The following TRPM3 variants were observed in gnomAD, a reference collection of about 807,000 sequenced individuals.
TRPM3 encodes long transient receptor potential channel 3.
In TRPM3, 77 loss-of-function variants were observed where a neutral mutation model predicts 181.2. The observed-to-expected ratio is 0.42, with a 90% confidence interval of 0.35 to 0.51. The LOEUF is 0.51. Among genes scored for constraint, TRPM3 ranks in the 20% least tolerant of loss-of-function variants. The probability of loss-of-function intolerance (pLI) is 0.01; values close to 1 mark genes in which losing one functional copy is unlikely to be tolerated. For synonymous variants in TRPM3, 745 were observed against 796.4 expected, an observed-to-expected ratio of 0.94 and a Z score of 1.09; for missense variants, 1,759 against 2,196.7, an observed-to-expected ratio of 0.80 and a Z score of 3.98.
In TRPM3 at chr9:70,848,991, A is replaced by AG. The variant is rs1554744357; in HGVS notation, c.463-2401_463-2400insC. ...GACTCCGTCTCAAAAAAAAAAAAAAAAAAAAAAAAAGAAATTACCTGTCAG... is the reference window on the plus strand; with the variant it reads ...GACTCCGTCTCAAAAAAAAAAAAAAAGAAAAAAAAAAGAAATTACCTGTCAG... On this transcript the variant is annotated intron_variant, in intron 3 of 25. Transcript: ENST00000677713. Among the ~76,000 whole-genome samples, 2 of 151,356 alleles carry AG rather than the reference A, an allele frequency of 1.3e-5. 1 individual carries two copies. Among genetic ancestry groups the AG allele is most frequent in the Admixed American group, 1.3e-4 (2 of 15,170 alleles).
chr9:71,394,191 T>C (rs2093134238), intron 1 of TRPM3, among the ~76,000 whole-genome samples: 2 of 152,208 alleles, frequency 1.3e-5, no homozygotes, highest in African/African-American at 4.8e-5. Context: ...ACAGTACAAT[T>C]ATTTGGCCAT....
rs145374237 is a variant in TRPM3, at chr9:71,180,392, A to G, written c.183+266261T>C. 3.6e-3 allele frequency among the ~76,000 whole-genome samples: 552 copies of G among 152,184 alleles called. 9 individuals are homozygous for G. In the Middle Eastern group the frequency reaches 0.058, roughly 16 times the overall value. On this transcript the variant is annotated intron_variant, in intron 1 of 24. Transcript: ENST00000357533. ...TTCTTAGAAAGGGCTATCATCCCCAATGTATTTCAAATTCAATTCACTTGA... is the reference window on the plus strand; with the variant it reads ...TTCTTAGAAAGGGCTATCATCCCCAGTGTATTTCAAATTCAATTCACTTGA...
intron 1 of TRPM3, among the ~76,000 whole-genome samples, chr9:70,940,270 C>T (rs1310904510): frequency 6.6e-6 from 1 of 152,150 alleles, no homozygotes; most frequent in Non-Finnish European, 1.5e-5. Context: ...AAAAGTAAAA[C>T]ATTTTTCCCC....
rs562441856 is a variant in TRPM3, at chr9:70,973,864, T to C, written c.178-109353A>G. Among the ~76,000 whole-genome samples the C allele has an allele frequency of 3.3e-5, 5 of 152,360 alleles. No homozygotes were observed. The South Asian group carries it at 1.0e-3, about 32-fold the overall frequency. On this transcript the variant is annotated intron_variant, in intron 1 of 25. Coordinates refer to ENST00000677713, the MANE Select transcript of TRPM3 (RefSeq NM_001366145.2). ...TCACACAGCATAGAATTTGTCAGTT[T>C]CAAAGGCATGATACAACTTCTTACC... is the stretch of plus-strand genomic sequence containing the variant.
chr9:70,880,257 G>T (rs2095962918), intron 1 of TRPM3, among the ~76,000 whole-genome samples: 1 of 151,990 alleles, frequency 6.6e-6, no homozygotes, highest in African/African-American at 2.4e-5. Flanking sequence ...TCAGCCATTT[G>T]TTAAACAGTA....
At chr9:71,337,750 C>T (rs975856586) in intron 1 of TRPM3, among the ~76,000 whole-genome samples, 2 of 151,992 alleles carry the variant, frequency 1.3e-5, no homozygotes, top group Non-Finnish European at 2.9e-5. Flanking sequence ...TACTATGCAG[C>T]CATAAAAAAG....
chr9:70,922,388 C>T (rs541740047), intron 1 of TRPM3, among the ~76,000 whole-genome samples: 4 of 152,166 alleles, frequency 2.6e-5, no homozygotes, highest in South Asian at 2.1e-4. Flanking sequence ...AAAAGAAGTT[C>T]GACTGTTGTG....
intron 1 of TRPM3, among the ~76,000 whole-genome samples, chr9:70,942,698 T>C (rs1263971750): frequency 6.6e-6 from 1 of 152,220 alleles, no homozygotes; most frequent in Non-Finnish European, 1.5e-5. Context: ...TTGGATTGAA[T>C]CCTGGCTCCA....
chr9:71,377,908 T>C (rs2092704461), intron 1 of TRPM3, among the ~76,000 whole-genome samples: 1 of 152,104 alleles, frequency 6.6e-6, no homozygotes, highest in African/African-American at 2.4e-5. Flanking sequence ...TGTGGTTATA[T>C]TTCATTTTAC....
intron 1 of TRPM3, among the ~76,000 whole-genome samples, chr9:70,993,858 G>A (rs6560171): frequency 0.33 from 48,999 of 150,598 alleles, 8,767 homozygotes; most frequent in Middle Eastern, 0.43. Context: ...GCTGACCAGC[G>A]TTTGGGTAGG....
At chr9:71,223,552 G>A (rs2080374695) in intron 1 of TRPM3, among the ~76,000 whole-genome samples, 1 of 152,114 alleles carries the variant, frequency 6.6e-6, no homozygotes, top group Non-Finnish European at 1.5e-5. Context: ...TTGTTTTTCG[G>A]CTTAGGTAAT....
At position 70,537,255 on chromosome 9, in the gene TRPM3, C is replaced by T. The variant is rs746260091; in HGVS notation, c.3858G>A (p.Glu1286=). ...ATALERLTGL[E]RAESNKIRSR... ...AGCGGATTTTGTTGGACTCGGCCCG[C>T]TCCAGACCTGTCAGGCGCTCCAGGG... is the stretch of plus-strand genomic sequence containing the variant. The change falls in exon 26 of 26, where the codon GAG becomes GAA. Residue 1286 remains glutamate, a synonymous_variant. Transcript: ENST00000677713. 2 of 1,591,440 alleles carry T rather than the reference C, an allele frequency of 1.3e-6. No homozygotes were observed. The highest frequency in any genetic ancestry group is 1.7e-6 in the Non-Finnish European group (2 of 1,164,002).
intron 1 of TRPM3, among the ~76,000 whole-genome samples, chr9:70,891,716 T>C (rs2096206313): frequency 1.3e-5 from 2 of 152,206 alleles, no homozygotes; most frequent in Non-Finnish European, 2.9e-5. Context: ...TTGTATAAAA[T>C]GAACATGTAT....
At chr9:70,851,075 A>C (rs1358798955) in intron 3 of TRPM3, among the ~76,000 whole-genome samples, 1 of 152,012 alleles carries the variant, frequency 6.6e-6, no homozygotes, top group Non-Finnish European at 1.5e-5. Context: ...AAAATTCTCC[A>C]TGTAGATCTG....
At chr9:71,403,691 C>T (rs563762646) in intron 1 of TRPM3, among the ~76,000 whole-genome samples, 33 of 152,088 alleles carry the variant, frequency 2.2e-4, no homozygotes, top group East Asian at 1.9e-3. Context: ...TAATAAATGA[C>T]GGAGGGGGCG....
At chr9:71,332,412 T>TGTG (rs1565471555) in intron 1 of TRPM3, among the ~76,000 whole-genome samples, 3 of 150,470 alleles carry the variant, frequency 2.0e-5, no homozygotes, top group Admixed American at 6.6e-5. Flanking sequence ...TGTGTGTGTG[T>TGTG]TTCAGCACAG....
chr9:71,267,775 A>G (rs2083489663), intron 1 of TRPM3, among the ~76,000 whole-genome samples: 1 of 152,150 alleles, frequency 6.6e-6, no homozygotes, highest in Admixed American at 6.5e-5. Context: ...ATGACGGACA[A>G]TGGCCTTGTA....
At chr9:71,024,117 G>A (rs1453071734) in intron 1 of TRPM3, among the ~76,000 whole-genome samples, 2 of 152,094 alleles carry the variant, frequency 1.3e-5, no homozygotes, top group Non-Finnish European at 2.9e-5. Context: ...AAGGATACAC[G>A]AGATCTTTTC....
At position 70,532,954 on chromosome 9, in the gene TRPM3, AACAC is replaced by A. The variant is rs1441925248; in HGVS notation, c.*2995_*2998del. On this transcript the variant is annotated 3_prime_UTR_variant, in exon 26 of 26. Transcript: ENST00000677713. ...AATGGAAGGAAATGGACTGAAAAAT[AACAC>A]ACATACATGTGCACAGGAAGGAAAT... 6.6e-6 allele frequency: 1 copy of A among 152,222 alleles called. No homozygotes were observed. Among genetic ancestry groups the A allele is most frequent in the African/African-American group, 2.4e-5 (1 of 41,452 alleles). 9.4% of individuals were successfully genotyped at this position (152,222 alleles called of 1,614,324 possible).
Sources: gnomAD v4.1 joint callset for allele counts (sites outside exome capture counted in the v4.1 genomes callset) on GRCh38, gnomAD v4.1.1 for gene constraint, MANE v1.5 for transcripts, NCBI Gene and HGNC (gene_info 2026-07-23, HGNC 2026-07-21) for gene names.